The following KLF12 variants were observed in gnomAD, a reference collection of about 807,000 sequenced individuals.
KLF12 encodes Krueppel-like factor 12.
KLF12 carries 9 observed loss-of-function variants against 37.8 expected under a neutral mutation model. That is an observed-to-expected ratio of 0.24 (90% CI 0.14 to 0.42). The LOEUF is 0.42. KLF12 is among the 10% of genes least tolerant of loss of function. The probability of loss-of-function intolerance (pLI) is 1.00; values close to 1 mark genes in which losing one functional copy is unlikely to be tolerated. For synonymous variants in KLF12, 208 were observed against 202.1 expected, an observed-to-expected ratio of 1.03 and a Z score of -0.25; for missense variants, 411 against 516.0, an observed-to-expected ratio of 0.80 and a Z score of 1.97.
At chr13:74,047,940 C>A (rs1290120593) in intron 1 of KLF12, among the ~76,000 whole-genome samples, 1 of 152,202 alleles carries the variant, frequency 6.6e-6, no homozygotes, top group African/African-American at 2.4e-5. Flanking sequence ...ATTCCAAGTG[C>A]AAAGTCAGGC....
At chr13:74,027,010 G>T (rs1892992113) in intron 1 of KLF12, among the ~76,000 whole-genome samples, 1 of 152,136 alleles carries the variant, frequency 6.6e-6, no homozygotes, top group Admixed American at 6.5e-5. Context: ...CGGTGGGGAA[G>T]CTGCAGGGCT....
the KLF12 span, among the ~76,000 whole-genome samples, chr13:74,142,463 T>C: frequency 4.7e-4 from 71 of 152,318 alleles, no homozygotes; most frequent in African/African-American, 1.7e-3. Flanking sequence ...TTAATTTTTG[T>C]TGGGGTCAGT....
chr13:74,014,679 ACCTTCTATTTTCAGTG>A (rs1337503560), intron 1 of KLF12, among the ~76,000 whole-genome samples: 2 of 152,206 alleles, frequency 1.3e-5, no homozygotes, highest in East Asian at 3.8e-4. Flanking sequence ...TTCAGTTATA[ACCTTCTATTTTCAGTG>A]CCTTCGCAGT....
At chr13:74,094,892 G>A (rs546639935) in intron 1 of KLF12, among the ~76,000 whole-genome samples, 10 of 152,250 alleles carry the variant, frequency 6.6e-5, no homozygotes, top group East Asian at 3.9e-4. Flanking sequence ...GAGCCACCAC[G>A]CCTGGCCTCT....
chr13:73,730,012 CTCAG>C (rs1876946625), intron 6 of KLF12, among the ~76,000 whole-genome samples: 5 of 152,140 alleles, frequency 3.3e-5, no homozygotes, highest in Non-Finnish European at 5.9e-5. Context: ...GACTTTAGTT[CTCAG>C]AACGACCTTG....
In KLF12 at chr13:73,688,319, C is replaced by T. The variant is rs1873616763; in HGVS notation, c.*7171G>A. ...AAATTATTTATAAGACTATTTAAAA[C>T]ATTCCACAACAGAGCTGTTAAGTGA... On this transcript the variant is annotated 3_prime_UTR_variant, in exon 8 of 8. Transcript: ENST00000377669. 2 of 152,440 alleles carry T rather than the reference C, an allele frequency of 1.3e-5. No individual in the cohort carries two copies. Among genetic ancestry groups the T allele is most frequent in the African/African-American group, 4.8e-5 (2 of 41,432 alleles). The allele number at this position is 152,440 out of a possible 1,614,324, so 9.4% of individuals were successfully genotyped here.
At chr13:73,766,259 C>T (rs1879910256) in intron 5 of KLF12, among the ~76,000 whole-genome samples, 1 of 152,140 alleles carries the variant, frequency 6.6e-6, no homozygotes, top group Non-Finnish European at 1.5e-5. Flanking sequence ...GCACGGCCCA[C>T]TTCCTGCTGT....
At chr13:74,190,057 T>C in the KLF12 span, among the ~76,000 whole-genome samples, 2 of 152,206 alleles carry the variant, frequency 1.3e-5, no homozygotes, top group Admixed American at 1.3e-4. Context: ...AGAGTAACCT[T>C]GTCACATCAA....
At chr13:74,266,448 A>G in the KLF12 span, among the ~76,000 whole-genome samples, 1 of 152,198 alleles carries the variant, frequency 6.6e-6, no homozygotes, top group Non-Finnish European at 1.5e-5. Flanking sequence ...TGAAATGCAC[A>G]CATACCCATG....
At chr13:73,752,149 A>G (rs763731686) in intron 6 of KLF12, among the ~76,000 whole-genome samples, 3 of 151,874 alleles carry the variant, frequency 2.0e-5, no homozygotes, top group Admixed American at 6.6e-5. Flanking sequence ...CACTCAGCTA[A>G]TTTTTGTATT....
At chr13:74,074,534 T>C (rs1249768397) in intron 1 of KLF12, among the ~76,000 whole-genome samples, 2 of 152,220 alleles carry the variant, frequency 1.3e-5, no homozygotes, top group African/African-American at 4.8e-5. Flanking sequence ...ATGCTTGGAA[T>C]GTTCCTGGAT....
intron 2 of KLF12, among the ~76,000 whole-genome samples, chr13:73,955,555 G>A (rs1219183980): frequency 6.6e-6 from 1 of 152,164 alleles, no homozygotes; most frequent in African/African-American, 2.4e-5. Context: ...AATGTTTTCT[G>A]ACTACTAAAG....
chr13:74,179,059 C>A, the KLF12 span, among the ~76,000 whole-genome samples: 5 of 152,230 alleles, frequency 3.3e-5, no homozygotes, highest in Non-Finnish European at 5.9e-5. Flanking sequence ...GTGCTGTGAA[C>A]ATCGCTAGGC....
At chr13:73,847,731 T>C (rs772779825) in intron 3 of KLF12, among the ~76,000 whole-genome samples, 10 of 152,144 alleles carry the variant, frequency 6.6e-5, no homozygotes, top group Non-Finnish European at 1.3e-4. Context: ...ATCTAAAATA[T>C]CTACTGTATG....
At chr13:74,112,383 A>AG (rs1555272972) in intron 1 of KLF12, among the ~76,000 whole-genome samples, 18 of 30,230 alleles carry the variant, frequency 6.0e-4, no homozygotes, top group Middle Eastern at 0.022. Flanking sequence ...CTTTGCAGAT[A>AG]TTGTCTGTGT....
At chr13:74,095,100 A>C (rs1255283409) in intron 1 of KLF12, among the ~76,000 whole-genome samples, 4 of 152,192 alleles carry the variant, frequency 2.6e-5, no homozygotes, top group African/African-American at 9.6e-5. Flanking sequence ...GTTTTGATAC[A>C]ATAAAGTCTG....
At chr13:73,910,193 A>G (rs903204862) in intron 3 of KLF12, among the ~76,000 whole-genome samples, 1 of 152,164 alleles carries the variant, frequency 6.6e-6, no homozygotes, top group African/African-American at 2.4e-5. Context: ...ATTTGCTCCA[A>G]ATTAACACAA....
the KLF12 span, among the ~76,000 whole-genome samples, chr13:74,157,580 A>G: frequency 2.0e-5 from 3 of 152,226 alleles, no homozygotes; most frequent in Non-Finnish European, 2.9e-5. Flanking sequence ...AGGGGAGCTC[A>G]AAGTGATCAC....
intron 1 of KLF12, among the ~76,000 whole-genome samples, chr13:74,012,663 T>A (rs560038223): frequency 6.6e-6 from 1 of 152,380 alleles, no homozygotes; most frequent in South Asian, 2.1e-4. Flanking sequence ...TGCTTCTAGT[T>A]ATGTTTTTCC....
Sources: gnomAD v4.1 joint callset for allele counts (sites outside exome capture counted in the v4.1 genomes callset) on GRCh38, gnomAD v4.1.1 for gene constraint, MANE v1.5 for transcripts, NCBI Gene and HGNC (gene_info 2026-07-23, HGNC 2026-07-21) for gene names.